The following PRKACB variants were observed in gnomAD, a reference collection of about 807,000 sequenced individuals.
PRKACB encodes the protein protein kinase cAMP-activated catalytic subunit beta, also known as cAMP-dependent protein kinase catalytic subunit beta.
Under a neutral mutation model 51.4 loss-of-function variants are expected in PRKACB, and 16 were observed. The ratio of observed to expected loss-of-function variants is 0.31; its 90% CI spans 0.21 to 0.47. PRKACB has a LOEUF of 0.47. PRKACB is among the 20% of genes least tolerant of loss of function. The probability of loss-of-function intolerance (pLI) is 1.00; values close to 1 mark genes in which losing one functional copy is unlikely to be tolerated. For missense variants in PRKACB, 309 were observed against 464.5 expected (o/e 0.67, Z 3.08); for synonymous variants, 147 against 154.4 (o/e 0.95, Z 0.35).
upstream of PRKACB, chr1:84,078,105 C>G: frequency 4.5e-6 from 2 of 444,836 alleles, no homozygotes; most frequent in Non-Finnish European, 7.6e-6. Context: ...CCGTCGCCGC[C>G]GCCGCCGCCG....
intron 1 of PRKACB, among the ~76,000 whole-genome samples, chr1:84,153,949 A>G (rs1476562151): frequency 6.6e-6 from 1 of 152,008 alleles, no homozygotes; most frequent in East Asian, 1.9e-4. Flanking sequence ...CCTTCATATC[A>G]TTTTCCATAA....
upstream of PRKACB, among the ~76,000 whole-genome samples, chr1:84,143,571 C>A (rs1653651700): frequency 6.6e-6 from 1 of 152,108 alleles, no homozygotes; most frequent in Admixed American, 6.5e-5. Context: ...GAACTTTTTT[C>A]TCTCAATTGA....
At chr1:84,218,281 C>T (rs978332449) in intron 9 of PRKACB, among the ~76,000 whole-genome samples, 19 of 152,114 alleles carry the variant, frequency 1.2e-4, no homozygotes, top group African/African-American at 4.1e-4. Context: ...TGTTTGTTCT[C>T]AGTACCTTAG....
At chr1:84,079,775 C>T (rs935071359) in intron 1 of PRKACB, among the ~76,000 whole-genome samples, 6 of 151,878 alleles carry the variant, frequency 4.0e-5, no homozygotes, top group Non-Finnish European at 7.4e-5. Flanking sequence ...AAGGGATTCT[C>T]CTGCCTCAGC....
At chr1:84,155,006 A>T (rs934764843) in intron 1 of PRKACB, among the ~76,000 whole-genome samples, 1 of 152,142 alleles carries the variant, frequency 6.6e-6, no homozygotes, top group Non-Finnish European at 1.5e-5. Context: ...CTTCTACTCA[A>T]TATGATACTG....
chr1:84,161,280 T>C (rs1470553115), intron 1 of PRKACB, among the ~76,000 whole-genome samples: 1 of 151,912 alleles, frequency 6.6e-6, no homozygotes, highest in Non-Finnish European at 1.5e-5. Flanking sequence ...ATATAGGCAT[T>C]CCAGCTGTCT....
intron 1 of PRKACB, among the ~76,000 whole-genome samples, chr1:84,169,923 C>G (rs1658859880): frequency 6.6e-6 from 1 of 151,512 alleles, no homozygotes; most frequent in African/African-American, 2.4e-5. Context: ...GAAAAAAATG[C>G]AAAATTGGAG....
chr1:84,081,375 A>C (rs1170585101), intron 1 of PRKACB, among the ~76,000 whole-genome samples: 1 of 152,196 alleles, frequency 6.6e-6, no homozygotes, highest in African/African-American at 2.4e-5. Context: ...ACATTAACTT[A>C]GGTACCTGTT....
intron 1 of PRKACB, among the ~76,000 whole-genome samples, chr1:84,090,546 A>G (rs1460503089): frequency 6.6e-6 from 1 of 152,204 alleles, no homozygotes; most frequent in Non-Finnish European, 1.5e-5. Context: ...CTAGAAACAC[A>G]TGAAGCCTTG....
chr1:84,090,486 C>T (rs1030617557), intron 1 of PRKACB, among the ~76,000 whole-genome samples: 1 of 152,188 alleles, frequency 6.6e-6, no homozygotes, highest in South Asian at 2.1e-4. Flanking sequence ...CTCTATATGA[C>T]ATCAGCTATC....
intron 1 of PRKACB, among the ~76,000 whole-genome samples, chr1:84,118,945 CAAG>C (rs905759613): frequency 2.0e-5 from 3 of 152,058 alleles, no homozygotes; most frequent in African/African-American, 7.2e-5. Context: ...GTTTCAGTTG[CAAG>C]AAGCAGAGAC....
chr1:84,233,297 G>T (rs1453775434), intron 9 of PRKACB, among the ~76,000 whole-genome samples: 2 of 151,770 alleles, frequency 1.3e-5, no homozygotes, highest in African/African-American at 4.8e-5. Context: ...TTAGTCTGAT[G>T]GGCTTCCCTT....
intron 2 of PRKACB, 100 bp from the exon 3 acceptor site, chr1:84,182,100 A>G (rs1663698125): frequency 2.2e-6 from 2 of 909,146 alleles, no homozygotes; most frequent in South Asian, 6.4e-5. Flanking sequence ...GGATAGTTAT[A>G]AATGGGATTA....
chr1:84,086,279 T>A, intron 1 of PRKACB: 1 of 1,303,414 alleles, frequency 7.7e-7, no homozygotes, highest in Non-Finnish European at 1.1e-6. Context: ...GGGACCCCAG[T>A]AGAACTTGGC....
intron 8 of PRKACB, among the ~76,000 whole-genome samples, chr1:84,209,138 T>C (rs1455071209): frequency 6.6e-6 from 1 of 152,198 alleles, no homozygotes; most frequent in Non-Finnish European, 1.5e-5. Flanking sequence ...AATCATTCCC[T>C]CTCAATCTCC....
At chr1:84,082,902 G>T (rs1042822027) in intron 1 of PRKACB, among the ~76,000 whole-genome samples, 1 of 151,590 alleles carries the variant, frequency 6.6e-6, no homozygotes, top group African/African-American at 2.4e-5. Context: ...GAGTGTAGAT[G>T]AACGGAATGC....
rs1023512906 is a variant in PRKACB, at chr1:84,175,718, A to G, written c.188-3459A>G. On this transcript the variant is annotated intron_variant, in intron 1 of 9. Transcript: ENST00000370685. ...TGTTTTTATGAACTTGTGAAAATGC[A>G]TAAAAATTGTCTCTCTTTTTTTTTT... 7 of 1,328,686 alleles carry G rather than the reference A, an allele frequency of 5.3e-6. No homozygotes were observed. In the African/African-American group the frequency reaches 6.0e-5, roughly 11 times the overall value. The allele number at this position is 1,328,686 out of a possible 1,614,324, so 82.3% of individuals were successfully genotyped here. A position where few individuals can be genotyped will look rare whatever the true frequency, so the allele number is the denominator to read the frequency against.
chr1:84,100,906 A>G (rs12132032), intron 1 of PRKACB, among the ~76,000 whole-genome samples: 61,870 of 152,066 alleles, frequency 0.41, 13,321 homozygotes, highest in Non-Finnish European at 0.49. Flanking sequence ...TAGGCAAGCT[A>G]GGACTTGAAC....
At chr1:84,108,308 C>CACT (rs140517778) in intron 1 of PRKACB, among the ~76,000 whole-genome samples, 27,767 of 151,486 alleles carry the variant, frequency 0.18, 2,782 homozygotes, top group South Asian at 0.25. Flanking sequence ...GAACAATAGA[C>CACT]ACTAGGATAT....
Sources: gnomAD v4.1 joint callset for allele counts (sites outside exome capture counted in the v4.1 genomes callset) on GRCh38, gnomAD v4.1.1 for gene constraint, MANE v1.5 for transcripts, NCBI Gene and HGNC (gene_info 2026-07-23, HGNC 2026-07-21) for gene names.